The following GTF2A1L variants were observed in gnomAD, a reference collection of about 807,000 sequenced individuals.
GTF2A1L encodes the protein TFIIA-alpha and beta-like factor.
In GTF2A1L, 48 loss-of-function variants were observed where a neutral mutation model predicts 49.7. The observed-to-expected ratio is 0.97, with a 90% CI of 0.77 to 1.23. The LOEUF is 1.23. GTF2A1L is among the 50% of genes most tolerant of loss of function. The pLI is 0.00. For missense variants in GTF2A1L, 736 were observed against 564.8 expected, an observed-to-expected ratio of 1.30 and a Z score of -3.07; for synonymous variants, 246 against 193.5, an observed-to-expected ratio of 1.27 and a Z score of -2.25.
chr2:48,659,065 C>G (rs1052790995), intron 6 of GTF2A1L, among the ~76,000 whole-genome samples: 4 of 152,134 alleles, frequency 2.6e-5, no homozygotes, highest in Admixed American at 6.6e-5. Flanking sequence ...TGCTGTTAAT[C>G]TGATGGGTTT....
intron 6 of GTF2A1L, among the ~76,000 whole-genome samples, chr2:48,656,360 T>G (rs74570229): frequency 0.49 from 61,367 of 125,956 alleles, 15,105 homozygotes; most frequent in East Asian, 0.84. Context: ...TTTTTTTTTT[T>G]TTTTTTTTTT....
At chr2:48,654,518 G>A (rs1678059157) in intron 6 of GTF2A1L, among the ~76,000 whole-genome samples, 1 of 152,134 alleles carries the variant, frequency 6.6e-6, no homozygotes, top group Admixed American at 6.5e-5. Flanking sequence ...GCGAAGCTGG[G>A]ATTACAGGTG....
At chr2:48,622,319 G>T (rs1676046117) in intron 3 of GTF2A1L, among the ~76,000 whole-genome samples, 1 of 152,148 alleles carries the variant, frequency 6.6e-6, no homozygotes, top group Admixed American at 6.5e-5. Flanking sequence ...GTATAATTTT[G>T]CTCTGTAAGA....
intron 3 of GTF2A1L, 78 bp from the exon 4 acceptor site, chr2:48,642,324 T>A (rs187708586): frequency 0.027 from 35,979 of 1,335,774 alleles, 655 homozygotes; most frequent in Middle Eastern, 0.067. Context: ...AAATATTTTT[T>A]AAAAATAAGC....
At chr2:48,677,715 T>C (rs1191815700) in intron 8 of GTF2A1L, among the ~76,000 whole-genome samples, 1 of 151,996 alleles carries the variant, frequency 6.6e-6, no homozygotes, top group African/African-American at 2.4e-5. Flanking sequence ...TGTATTGACC[T>C]GGGCAAGAGA....
chr2:48,641,757 A>G (rs1677208746), intron 3 of GTF2A1L, among the ~76,000 whole-genome samples: 1 of 152,190 alleles, frequency 6.6e-6, no homozygotes, highest in Non-Finnish European at 1.5e-5. Context: ...AAGGCTGGTT[A>G]GCATAGAAAA....
At chr2:48,661,942 T>G (rs1297213644) in intron 6 of GTF2A1L, among the ~76,000 whole-genome samples, 1 of 152,118 alleles carries the variant, frequency 6.6e-6, no homozygotes, top group Non-Finnish European at 1.5e-5. Context: ...CGTTTTGCTG[T>G]TTTCTATATG....
chr2:48,626,669 C>G (rs1237885977), intron 3 of GTF2A1L, among the ~76,000 whole-genome samples: 1 of 143,630 alleles, frequency 7.0e-6, no homozygotes, highest in Admixed American at 7.0e-5. Context: ...ACCCCCTGGG[C>G]GCAAGCCATT....
chr2:48,638,770 A>G (rs898092546), intron 3 of GTF2A1L, among the ~76,000 whole-genome samples: 3 of 152,156 alleles, frequency 2.0e-5, no homozygotes, highest in Non-Finnish European at 4.4e-5. Flanking sequence ...AATAGAAAAG[A>G]AGAAGTCAAA....
chr2:48,663,047 T>A (rs1357572199), intron 6 of GTF2A1L, among the ~76,000 whole-genome samples: 2 of 152,082 alleles, frequency 1.3e-5, no homozygotes, highest in Non-Finnish European at 2.9e-5. Flanking sequence ...CCTGTACATA[T>A]ACCCCTGAAC....
intron 6 of GTF2A1L, among the ~76,000 whole-genome samples, chr2:48,654,389 T>G (rs1309908314): frequency 2.0e-5 from 3 of 152,104 alleles, no homozygotes; most frequent in African/African-American, 7.2e-5. Flanking sequence ...TGGTGCAAGG[T>G]TAGGATGGAG....
At position 48,646,490 on chromosome 2, in the gene GTF2A1L, A is replaced by C. The variant is rs1429285745; in HGVS notation, c.426A>C (p.Thr142=). The C allele has an allele frequency of 3.7e-6, 6 of 1,613,212 alleles. No individual in the cohort carries two copies. Among genetic ancestry groups the C allele is most frequent in the Non-Finnish European group, 4.2e-6 (5 of 1,179,770 alleles). ...AAGTCAATGTACCAATTATGGTGAC[A>C]GAGACTTCTGGAAGAGCAGGTATTC... ...LYKVNVPIMV[T]ETSGRAGILQ... is the part of the protein sequence containing the mutation. The change falls in exon 6 of 9, where the codon ACA becomes ACC. Residue 142 remains threonine, a synonymous_variant. Transcript: ENST00000403751.
intron 6 of GTF2A1L, among the ~76,000 whole-genome samples, chr2:48,668,299 A>G (rs1572771395): frequency 6.6e-6 from 1 of 152,300 alleles, no homozygotes; most frequent in East Asian, 1.9e-4. Context: ...TATGTGTGTC[A>G]ACATTATGTA....
chr2:48,665,877 T>C (rs1292077047), intron 6 of GTF2A1L, among the ~76,000 whole-genome samples: 1 of 152,170 alleles, frequency 6.6e-6, no homozygotes, highest in African/African-American at 2.4e-5. Flanking sequence ...GTCCACTTTT[T>C]CTATTGACTA....
Position 48,617,885 on chromosome 2 carries a change from T to A in GTF2A1L, c.11T>A (p.Leu4His), listed in dbSNP as rs1449840320. 1.9e-6 allele frequency: 3 copies of A among 1,551,860 alleles called. No homozygotes were observed. Among genetic ancestry groups the A allele is most frequent in the Non-Finnish European group, 1.7e-6 (2 of 1,147,054 alleles). Residue 4 changes from leucine (L) to histidine (H), a missense_variant, in exon 1 of 9, where the codon CTC (leucine) becomes CAC (histidine). Leu to His is a moderately conservative substitution (Grantham distance 99, BLOSUM62 -3). Transcript: ENST00000403751. MAC[L>H]NPVPKLYRSV... ...GCTGGAGGTGCTGTCATGGCCTGCC[T>A]CAACCCGGTGGTAAGGAAGACCTCA...
chr2:48,675,448 TG>T (rs916970690), intron 8 of GTF2A1L, among the ~76,000 whole-genome samples: 10 of 152,000 alleles, frequency 6.6e-5, no homozygotes, highest in African/African-American at 1.4e-4. Context: ...GATTAACAAT[TG>T]GGGGGAAAAC....
intron 4 of GTF2A1L, 118 bp downstream of exon 4, chr2:48,642,575 C>A: frequency 1.0e-6 from 1 of 997,628 alleles, no homozygotes; most frequent in Non-Finnish European, 1.4e-6. Context: ...AAAGATGTGG[C>A]CGGGCGCGGT....
intron 6 of GTF2A1L, chr2:48,668,443 CT>C (rs1678968004): frequency 6.6e-6 from 1 of 152,262 alleles, no homozygotes; most frequent in African/African-American, 2.4e-5. Context: ...AAAACAGCCC[CT>C]GATCTTAAGG....
intron 6 of GTF2A1L, among the ~76,000 whole-genome samples, chr2:48,650,966 A>G (rs1443192783): frequency 1.3e-5 from 2 of 152,176 alleles, no homozygotes; most frequent in African/African-American, 2.4e-5. Flanking sequence ...TTTTATATTT[A>G]TCCCCACATA....
Sources: allele counts gnomAD v4.1 joint callset (sites outside exome capture counted in the v4.1 genomes callset), GRCh38; gene constraint gnomAD v4.1.1; transcripts MANE v1.5; gene names NCBI Gene and HGNC (gene_info 2026-07-23, HGNC 2026-07-21).